The following TNRC18 variants were observed in gnomAD, a reference collection of about 807,000 sequenced individuals.
The protein encoded by TNRC18 is trinucleotide repeat-containing gene 18 protein.
A neutral mutation model predicts 226.7 loss-of-function variants in TNRC18; 69 were observed. That is an observed-to-expected ratio of 0.30 (90% CI 0.25 to 0.37). The LOEUF (loss-of-function observed/expected upper bound fraction) is 0.37, where lower values mean the gene tolerates loss of function less well. Among genes scored for constraint, TNRC18 ranks in the 10% least tolerant of loss-of-function variants. The probability of loss-of-function intolerance (pLI) is 1.00; values close to 1 mark genes in which losing one functional copy is unlikely to be tolerated. For synonymous variants in TNRC18, 2,449 were observed against 1,927.6 expected, an observed-to-expected ratio of 1.27 and a Z score of -7.09; for missense variants, 4,754 against 4,256.6, an observed-to-expected ratio of 1.12 and a Z score of -3.25.
intron 19 of TNRC18, among the ~76,000 whole-genome samples, chr7:5,327,624 C>T (rs574651927): frequency 6.6e-6 from 1 of 152,062 alleles, no homozygotes; most frequent in Admixed American, 6.6e-5. Context: ...AAAAAAAAGG[C>T]CTGAATGGAT....
chr7:5,334,681 G>C lies in TNRC18; in HGVS notation c.5720-1632C>G, dbSNP rs767721589. Among the ~76,000 whole-genome samples the C allele has an allele frequency of 2.2e-4, 33 of 152,250 alleles. 1 individual carries two copies. The highest frequency in any genetic ancestry group is 6.8e-3 in the Middle Eastern group (2 of 294). ...GTGGGTGCAGGCCACAGGCATGAGC[G>C]CTCTGCTCTGGGTATGACAGAATGA... On this transcript the variant is annotated intron_variant, in intron 18 of 29. Coordinates refer to ENST00000430969, the MANE Select transcript of TNRC18 (RefSeq NM_001080495.3).
At chr7:5,373,207 C>A (rs1271416848) in intron 10 of TNRC18, among the ~76,000 whole-genome samples, 5 of 152,096 alleles carry the variant, frequency 3.3e-5, no homozygotes, top group African/African-American at 1.2e-4. Flanking sequence ...GCCTATGGTC[C>A]CAGCTGCTTG....
intron 8 of TNRC18, among the ~76,000 whole-genome samples, chr7:5,376,514 G>A (rs962302289): frequency 1.3e-5 from 2 of 152,218 alleles, no homozygotes; most frequent in African/African-American, 4.8e-5. Context: ...GGACCACTGT[G>A]AGGACCTAGG....
intron 17 of TNRC18, among the ~76,000 whole-genome samples, chr7:5,346,736 C>G (rs1791236048): frequency 6.6e-6 from 1 of 152,240 alleles, no homozygotes; most frequent in African/African-American, 2.4e-5. Flanking sequence ...CCTCTCTGAG[C>G]CTCTATTTTC....
rs760967876 is a variant in TNRC18, at chr7:5,388,330, G to A, written c.1494C>T (p.Pro498=). The stretch of plus-strand genomic sequence containing the variant: ...CAGGGCCGGTGGGCGGGGGGCGCCC[G>A]GGCTCCAGGCCGAAGAGCTTGGCGG... ...QQAAKLFGLE[P]GRPPPTGPEH... Residue 498 remains proline, a synonymous_variant, in exon 5 of 30, where the codon CCC becomes CCT. Coordinates refer to ENST00000430969, the MANE Select transcript of TNRC18 (RefSeq NM_001080495.3). The A allele has an allele frequency of 1.1e-5, 17 of 1,598,242 alleles. 1 individual carries two copies. The East Asian group carries it at 1.4e-4, about 13-fold the overall frequency.
chr7:5,351,956 G>A lies in TNRC18; in HGVS notation c.5333C>T (p.Thr1778Ile). Residue 1778 changes from threonine (T) to isoleucine (I), a missense_variant, in exon 17 of 30, where the codon ACC (threonine) becomes ATC (isoleucine). Physicochemically the swap from Thr to Ile is moderately conservative, Grantham distance 89 (BLOSUM62 -1). Transcript: ENST00000430969. ...CCGGGGGGCCGCCAGGCCCCTCTTG[G>A]TCAGCTTGGGGCCACCAGCTGCCTT... The part of the protein sequence containing the change: ...NSKAAGGPKL[T>I]KRGLAAPRTL... 1 of 1,613,912 alleles carries A rather than the reference G, an allele frequency of 6.2e-7. No homozygotes were observed. Among genetic ancestry groups the A allele is most frequent in the Non-Finnish European group, 8.5e-7 (1 of 1,179,870 alleles).
At chr7:5,311,768 C>T (rs374916466) in intron 27 of TNRC18, among the ~76,000 whole-genome samples, 2 of 151,272 alleles carry the variant, frequency 1.3e-5, no homozygotes, top group East Asian at 1.9e-4. Context: ...CAGTGAGCCA[C>T]GATGGCACCG....
At chr7:5,420,405 C>T (rs75626029) in intron 2 of TNRC18, 2 of 456,212 alleles carry the variant, frequency 4.4e-6, no homozygotes, top group Non-Finnish European at 4.4e-6. Flanking sequence ...CGCTGGAAAA[C>T]AAGGGGTCCC....
intron 25 of TNRC18, 29 bp downstream of exon 25, chr7:5,315,927 A>C: frequency 6.6e-7 from 1 of 1,517,310 alleles, no homozygotes; most frequent in Non-Finnish European, 8.9e-7. Context: ...CCCTGGCAGG[A>C]GACCGGGTGT....
chr7:5,406,575 G>A (rs994979718), intron 2 of TNRC18, among the ~76,000 whole-genome samples: 2 of 152,010 alleles, frequency 1.3e-5, no homozygotes, highest in African/African-American at 4.8e-5. Flanking sequence ...TAGAGGCCGG[G>A]CCCAGTGGCT....
rs1204452326 is a variant in TNRC18 at position 5,352,100 on chromosome 7, G to A, written c.5195-6C>T. On this transcript the variant is annotated splice_region_variant and splice_polypyrimidine_tract_variant and intron_variant, in intron 16 of 29. Coordinates refer to ENST00000430969, the MANE Select transcript of TNRC18 (RefSeq NM_001080495.3). ...GTCTTCCTCTGAGTCCGTATCTGCA[G>A]TCAAAGTAGTTTTTAATAGAGATAA... 1 of 1,592,664 alleles carries A rather than the reference G, an allele frequency of 6.3e-7. No homozygotes were observed. Among genetic ancestry groups the A allele is most frequent in the South Asian group, 1.1e-5 (1 of 88,556 alleles).
intron 8 of TNRC18, 74 bp downstream of exon 8, chr7:5,376,773 C>T (rs1189836819): frequency 2.6e-6 from 4 of 1,548,436 alleles, no homozygotes; most frequent in African/African-American, 1.4e-5. Context: ...CAGCAGGAAG[C>T]CCTTGGCATC....
intron 19 of TNRC18, among the ~76,000 whole-genome samples, chr7:5,329,087 G>A (rs4724561): frequency 0.53 from 80,605 of 151,804 alleles, 22,511 homozygotes; most frequent in East Asian, 0.73. Context: ...CCGATCACCT[G>A]AGGTCAGGAG....
rs565576386 is a variant in TNRC18, at chr7:5,320,947, C to A, written c.6560+126G>T. ...CCCGTCAGCTCTGAGCCCACTCATG[C>A]CCCTGCCCTGTGCCATCGGGGGAAA... On this transcript the variant is annotated intron_variant, in intron 22 of 29. Transcript: ENST00000430969. The A allele has an allele frequency of 6.1e-5, 45 of 731,784 alleles. No individual in the cohort carries two copies. In the South Asian group the frequency reaches 7.9e-4, roughly 13 times the overall value. The allele number at this position is 731,784 out of a possible 1,614,324, so 45.3% of individuals were successfully genotyped here. A position where few individuals can be genotyped will look rare whatever the true frequency, so the allele number is the denominator to read the frequency against.
intron 2 of TNRC18, chr7:5,420,106 T>C (rs1043779387): frequency 1.6e-5 from 5 of 305,134 alleles, no homozygotes; most frequent in Non-Finnish European, 3.2e-5. Flanking sequence ...CGAGTCTCCT[T>C]CCCACCCCTC....
In TNRC18 at chr7:5,391,851, A is replaced by T. The variant is rs139203706; in HGVS notation, c.344-1223T>A. Among the ~76,000 whole-genome samples, 292 of 92,726 alleles carry T rather than the reference A, an allele frequency of 3.1e-3. 1 individual carries two copies. The highest frequency in any genetic ancestry group is 0.019 in the African/African-American group (282 of 15,058). 60.8% of individuals were successfully genotyped at this position (92,726 alleles called of 152,430 possible). On this transcript the variant is annotated intron_variant, in intron 3 of 29. Transcript: ENST00000430969. ...ATCTCTATTTAAAAAAAAAAAAAAA[A>T]AATTTAAATAGTTTTTTTTTTTTAA... is the stretch of plus-strand genomic sequence containing the variant.
Position 5,324,100 on chromosome 7 carries a change from G to T in TNRC18, c.6442+114C>A. 1 of 1,225,030 alleles carries T rather than the reference G, an allele frequency of 8.2e-7. No individual in the cohort carries two copies. The allele number at this position is 1,225,030 out of a possible 1,614,324, so 75.9% of individuals were successfully genotyped here. On this transcript the variant is annotated intron_variant, in intron 21 of 29. Coordinates refer to ENST00000430969, the MANE Select transcript of TNRC18 (RefSeq NM_001080495.3). The surrounding 1 kb of genome is among the most constrained non-coding windows in gnomAD (Gnocchi z 4.8). Reference sequence around the variant, plus strand: ...CAGCCTCAGGATCTCTGCTCCTGTGGTTCCCTGCCCCCAGCTAGCCCAGCC... The same window carrying T: ...CAGCCTCAGGATCTCTGCTCCTGTGTTTCCCTGCCCCCAGCTAGCCCAGCC...
chr7:5,332,514 T>C (rs923068468), intron 19 of TNRC18, 108 bp downstream of exon 19: 5 of 1,261,708 alleles, frequency 4.0e-6, no homozygotes, highest in Non-Finnish European at 4.2e-6. Context: ...GCCGAGTACA[T>C]GGTTATTAAC....
rs1786669793 is a variant in TNRC18 at position 5,307,557 on chromosome 7, A to G, written c.*549T>C. On this transcript the variant is annotated 3_prime_UTR_variant, in exon 30 of 30. Coordinates refer to ENST00000430969, the MANE Select transcript of TNRC18 (RefSeq NM_001080495.3). Reference sequence around the variant, plus strand: ...CCACCCGGCTCTGTTCCCCAAGTCTAGGCCATCCTGAGAGGGTGGGGGCAG... The same window carrying G: ...CCACCCGGCTCTGTTCCCCAAGTCTGGGCCATCCTGAGAGGGTGGGGGCAG... 1 of 450,072 alleles carries G rather than the reference A, an allele frequency of 2.2e-6. No homozygotes were observed. Among genetic ancestry groups the G allele is most frequent in the African/African-American group, 2.0e-5 (1 of 49,822 alleles). The allele number at this position is 450,072 out of a possible 1,614,324, so 27.9% of individuals were successfully genotyped here.
Sources: allele counts gnomAD v4.1 joint callset (sites outside exome capture counted in the v4.1 genomes callset), GRCh38; gene constraint gnomAD v4.1.1; non-coding constraint Gnocchi (gnomAD v3.1); transcripts MANE v1.5; gene names NCBI Gene and HGNC (gene_info 2026-07-23, HGNC 2026-07-21).